PMPCB: variants seen among roughly 807,000 people sequenced by gnomAD.
The protein encoded by PMPCB is peptidase, mitochondrial processing subunit beta.
Under a neutral mutation model 61.5 loss-of-function variants are expected in PMPCB, and 46 were observed. The observed-to-expected ratio is 0.75, with a 90% CI of 0.59 to 0.96. The LOEUF is 0.96. PMPCB is among the 40% of genes least tolerant of loss of function. The pLI is 0.00. For synonymous variants in PMPCB, 191 were observed against 201.6 expected, an observed-to-expected ratio of 0.95 and a Z score of 0.44; for missense variants, 590 against 602.4, an observed-to-expected ratio of 0.98 and a Z score of 0.22.
rs539129414 is a variant in PMPCB at position 103,323,791 on chromosome 7, T to G, written c.*1432-5140T>G. The G allele has an allele frequency of 3.7e-5, 26 of 708,812 alleles. 1 individual carries two copies. The South Asian group carries it at 7.6e-4, about 21-fold the overall frequency. The allele number at this position is 708,812 out of a possible 1,614,324, so 43.9% of individuals were successfully genotyped here. The stretch of plus-strand genomic sequence containing the variant: ...CTTCTAGTATTGAACTAAGGTCAAG[T>G]CTTTCTCCTTTTTTAAGGACATTGC... On this transcript the variant is annotated intron_variant and NMD_transcript_variant, in intron 12 of 12. Transcript: ENST00000444457.
downstream of PMPCB, among the ~76,000 whole-genome samples, chr7:103,332,278 T>G (rs547936316): frequency 6.6e-6 from 1 of 152,364 alleles, no homozygotes; most frequent in South Asian, 2.1e-4. Context: ...GTGCTCGGAT[T>G]ATAGGCGTGA....
the PMPCB span, chr7:103,347,449 T>G: frequency 1.8e-3 from 605 of 345,376 alleles, 9 homozygotes; most frequent in South Asian, 0.026. Flanking sequence ...TCACTATATT[T>G]GTAGATGTGG....
the PMPCB span, chr7:103,344,161 T>G: frequency 9.8e-6 from 2 of 203,992 alleles, no homozygotes; most frequent in Non-Finnish European, 2.0e-5. Flanking sequence ...AGAAAGTTGT[T>G]TAAGAGAGCG....
chr7:103,344,419 A>G, the PMPCB span: 1 of 876,270 alleles, frequency 1.1e-6, no homozygotes. Flanking sequence ...CACGGAGCAA[A>G]AAGGCACTCG....
intron 6 of PMPCB, among the ~76,000 whole-genome samples, chr7:103,305,347 C>T (rs1244565357): frequency 6.6e-6 from 1 of 152,158 alleles, no homozygotes; most frequent in African/African-American, 2.4e-5. Flanking sequence ...ACAGATATTG[C>T]CAGATTTCCT....
chr7:103,311,245 A>C (rs1212113686), intron 9 of PMPCB: 1 of 170,594 alleles, frequency 5.9e-6, no homozygotes, highest in African/African-American at 2.4e-5. Flanking sequence ...TTCTAAATCT[A>C]GTCAACTAGG....
At chr7:103,299,655 A>G (rs912781271) in intron 3 of PMPCB, 126 bp downstream of exon 3, 1 of 564,610 alleles carries the variant, frequency 1.8e-6, no homozygotes, top group Non-Finnish European at 3.1e-6. Context: ...TTTCCAGGAC[A>G]GTATCTAAAA....
At chr7:103,337,890 A>C in the PMPCB span, 2 of 1,006,726 alleles carry the variant, frequency 2.0e-6, no homozygotes, top group South Asian at 1.4e-5. Flanking sequence ...GTACCTTAAT[A>C]AGCATTTCCC....
At chr7:103,306,737 C>T (rs1052457084) in intron 6 of PMPCB, among the ~76,000 whole-genome samples, 16 of 151,858 alleles carry the variant, frequency 1.1e-4, no homozygotes, top group African/African-American at 3.9e-4. Context: ...ATCTGTGTAT[C>T]CAGCTTTCTT....
intron 12 of PMPCB, chr7:103,327,564 A>T (rs1818772016): frequency 1.2e-6 from 1 of 820,012 alleles, no homozygotes; most frequent in South Asian, 1.7e-5. Flanking sequence ...AGGATAGTTG[A>T]ATGAACTACA....
Position 103,312,820 on chromosome 7 carries a change from G to T in PMPCB, c.*549G>T. ...TTGCTCATTTCTTCCTCATAATATT[G>T]ACCCCATAACTACTGGTTTTGAAAT... On this transcript the variant is annotated 3_prime_UTR_variant, in exon 13 of 13. Coordinates refer to ENST00000249269, the MANE Select transcript of PMPCB (RefSeq NM_004279.3). The T allele has an allele frequency of 6.6e-7, 1 of 1,516,986 alleles. No homozygotes were observed. The highest frequency in any genetic ancestry group is 8.8e-7 in the Non-Finnish European group (1 of 1,139,980). The allele number at this position is 1,516,986 out of a possible 1,614,324, so 94.0% of individuals were successfully genotyped here. A position where few individuals can be genotyped will look rare whatever the true frequency, so the allele number is the denominator to read the frequency against.
At chr7:103,345,072 T>C in the PMPCB span, 2 of 302,730 alleles carry the variant, frequency 6.6e-6, no homozygotes, top group Non-Finnish European at 1.2e-5. Flanking sequence ...TACTTTTAAG[T>C]AAAAAATGAA....
intron 12 of PMPCB, chr7:103,326,509 G>C: frequency 6.2e-7 from 1 of 1,610,344 alleles, no homozygotes; most frequent in Non-Finnish European, 8.5e-7. Flanking sequence ...CAAGCCAACA[G>C]GGCACTATGA....
At chr7:103,344,864 A>G in the PMPCB span, 3 of 581,292 alleles carry the variant, frequency 5.2e-6, no homozygotes, top group Non-Finnish European at 9.2e-6. Context: ...ATACTGACTG[A>G]GATCCGGCTG....
rs762588693 is a variant in PMPCB at position 103,307,582 on chromosome 7, T to A, written c.737-14T>A. 2 of 1,482,574 alleles carry A rather than the reference T, an allele frequency of 1.3e-6. No individual in the cohort carries two copies. Among genetic ancestry groups the A allele is most frequent in the Admixed American group, 3.3e-5 (2 of 59,816 alleles). The allele number at this position is 1,482,574 out of a possible 1,614,324, so 91.8% of individuals were successfully genotyped here. On this transcript the variant is annotated splice_polypyrimidine_tract_variant and intron_variant, in intron 6 of 12. Coordinates refer to ENST00000249269, the MANE Select transcript of PMPCB (RefSeq NM_004279.3). ...GCTGCTAGATACATGTGAAAATATT[T>A]TCTTTCAATTTAGGTGTTTCCCATG...
At chr7:103,321,748 CT>C (rs1818429723) in intron 12 of PMPCB, among the ~76,000 whole-genome samples, 1 of 152,206 alleles carries the variant, frequency 6.6e-6, no homozygotes, top group Non-Finnish European at 1.5e-5. Flanking sequence ...ACTCGGGAGG[CT>C]GAGGCAGGAG....
chr7:103,300,903 T>TA (rs1390227133), intron 4 of PMPCB, among the ~76,000 whole-genome samples: 1 of 152,126 alleles, frequency 6.6e-6, no homozygotes, highest in Non-Finnish European at 1.5e-5. Flanking sequence ...AGGCTGGACT[T>TA]AAACTCCTGA....
At chr7:103,347,147 C>T in the PMPCB span, among the ~76,000 whole-genome samples, 7 of 152,338 alleles carry the variant, frequency 4.6e-5, no homozygotes, top group East Asian at 1.2e-3. Flanking sequence ...TCCATTTTAT[C>T]CAGCAGCACA....
chr7:103,310,189 G>C, intron 8 of PMPCB, 126 bp from the exon 9 acceptor site: 2 of 686,844 alleles, frequency 2.9e-6, no homozygotes, highest in Admixed American at 5.5e-5. Context: ...CTCTACTACT[G>C]AGATGTTGAA....
Sources: gnomAD v4.1 joint callset for allele counts (sites outside exome capture counted in the v4.1 genomes callset) on GRCh38, gnomAD v4.1.1 for gene constraint, MANE v1.5 for transcripts, NCBI Gene and HGNC (gene_info 2026-07-23, HGNC 2026-07-21) for gene names.